DNAAF9: variants seen among roughly 807,000 people sequenced by gnomAD.
DNAAF9 encodes dynein axonemal assembly factor 9.
In DNAAF9, 90 loss-of-function variants were observed where a neutral mutation model predicts 167.0. That is an observed-to-expected ratio of 0.54 (90% CI 0.45 to 0.64). The LOEUF is 0.64. Among genes scored for constraint, DNAAF9 ranks in the 30% least tolerant of loss-of-function variants. The pLI, the probability that DNAAF9 is intolerant of heterozygous loss-of-function variation, is 0.00. For synonymous variants in DNAAF9, 491 were observed against 508.8 expected (o/e 0.96, Z 0.47); for missense variants, 1,315 against 1,442.2 (o/e 0.91, Z 1.43).
At chr20:3,286,363 C>T (rs1386763325) in intron 27 of DNAAF9, among the ~76,000 whole-genome samples, 1 of 152,108 alleles carries the variant, frequency 6.6e-6, no homozygotes, top group Admixed American at 6.5e-5. Flanking sequence ...AAGTCAGAGA[C>T]AAAAAATCAG....
chr20:3,265,392 C>G (rs1452175720), intron 30 of DNAAF9, among the ~76,000 whole-genome samples: 1 of 151,676 alleles, frequency 6.6e-6, no homozygotes, highest in African/African-American at 2.4e-5. Flanking sequence ...TGGCGAAACC[C>G]CATCTCTACT....
intron 1 of DNAAF9, among the ~76,000 whole-genome samples, chr20:3,394,945 TTTTC>T (rs1320240893): frequency 1.6e-4 from 18 of 113,820 alleles, no homozygotes; most frequent in South Asian, 5.9e-4. Context: ...ACATTTTCTT[TTTTC>T]TTTTTTTTTT....
At chr20:3,254,157 C>T (rs538339004) in intron 35 of DNAAF9, among the ~76,000 whole-genome samples, 5 of 152,334 alleles carry the variant, frequency 3.3e-5, no homozygotes, top group South Asian at 2.1e-4. Context: ...TGGCTCACTG[C>T]AACCTCCATC....
rs749647885 is a variant in DNAAF9, at chr20:3,315,114, C to T, written c.1597G>A (p.Glu533Lys). 1.3e-6 allele frequency: 2 copies of T among 1,597,914 alleles called. No individual in the cohort carries two copies. The highest frequency in any genetic ancestry group is 3.3e-5 in the Admixed American group (2 of 59,874). ...GTTAGATAAGTGCCCAGGAAAGACT[C>T]ATCCCCCTTTAAAAACAACAACAAA... ...EKTQQAVRGD[E>K]SFLGTYLTGG... The change falls in exon 20 of 37, where the codon GAG becomes AAG. Residue 533 changes from glutamate to lysine, a missense_variant. Coordinates refer to ENST00000252032, the MANE Select transcript of DNAAF9 (RefSeq NM_001009984.3). This position sits in a 1 kb window ranked among gnomAD's most constrained non-coding sequence, Gnocchi z 4.1.
intron 1 of DNAAF9, among the ~76,000 whole-genome samples, chr20:3,386,875 A>C (rs2083747774): frequency 6.6e-6 from 1 of 152,208 alleles, no homozygotes; most frequent in Non-Finnish European, 1.5e-5. Context: ...CGACATCATT[A>C]TCCATTATGG....
chr20:3,308,815 A>T (rs1362679622), intron 20 of DNAAF9, among the ~76,000 whole-genome samples: 4 of 141,816 alleles, frequency 2.8e-5, no homozygotes. Context: ...CATCTCTACT[A>T]AAAAAAAAAA....
At chr20:3,307,472 G>A (rs746653326) in intron 20 of DNAAF9, among the ~76,000 whole-genome samples, 20 of 151,916 alleles carry the variant, frequency 1.3e-4, no homozygotes, top group Non-Finnish European at 2.8e-4. Flanking sequence ...AACCCTTCTG[G>A]TATCTGCTCT....
In DNAAF9 at chr20:3,325,337, C is replaced by T. The variant is rs114848172; in HGVS notation, c.1189-369G>A. On this transcript the variant is annotated intron_variant, in intron 13 of 36. Transcript: ENST00000252032. Reference sequence around the variant, plus strand: ...GCTCTTGGGAAGGAACCTCTGCCCTCAGAGTTTTAGCCAGATGCTAAGAAT... The same window carrying T: ...GCTCTTGGGAAGGAACCTCTGCCCTTAGAGTTTTAGCCAGATGCTAAGAAT... Among the ~76,000 whole-genome samples, 411 of 152,300 alleles carry T rather than the reference C, an allele frequency of 2.7e-3. 1 individual carries two copies. The highest frequency in any genetic ancestry group is 9.3e-3 in the African/African-American group (386 of 41,556).
chr20:3,281,578 C>T, intron 28 of DNAAF9, 63 bp downstream of exon 28: 2 of 1,476,900 alleles, frequency 1.4e-6, no homozygotes, highest in South Asian at 2.7e-5. Context: ...AAAGATCTGT[C>T]TTCTTCTGGT....
intron 1 of DNAAF9, among the ~76,000 whole-genome samples, chr20:3,391,081 C>T (rs994167595): frequency 7.2e-5 from 11 of 152,220 alleles, no homozygotes; most frequent in Admixed American, 2.0e-4. Context: ...TTCCTTTCCA[C>T]AACTATGTTA....
rs1181735740 is a variant in DNAAF9, at chr20:3,287,790, T to C, written c.2328A>G (p.Arg776=). The C allele has an allele frequency of 6.2e-7, 1 of 1,614,148 alleles. No homozygotes were observed. Among genetic ancestry groups the C allele is most frequent in the Middle Eastern group, 1.7e-4 (1 of 6,060 alleles). ...FLVTLHKECG[R]WMVYRQIMDS... is the part of the protein sequence containing the mutation. The stretch of plus-strand genomic sequence containing the variant: ...CCATGATTTGGCGATACACCATCCA[T>C]CTGGAAAGGTAAAAGGTAACCTCTG... Residue 776 remains arginine (R), a splice_region_variant and synonymous_variant, in exon 27 of 37, where the codon AGA becomes AGG. Coordinates refer to ENST00000252032, the MANE Select transcript of DNAAF9 (RefSeq NM_001009984.3).
chr20:3,252,711 C>CT, intron 36 of DNAAF9, 27 bp from the exon 37 acceptor site: 1 of 1,390,416 alleles, frequency 7.2e-7, no homozygotes. Context: ...GAAGAGAGCT[C>CT]TGAGCCTGGA....
At chr20:3,376,036 G>T in intron 4 of DNAAF9, 142 bp downstream of exon 4, 2 of 762,410 alleles carry the variant, frequency 2.6e-6, no homozygotes, top group Non-Finnish European at 4.1e-6. Context: ...AACGAAATAT[G>T]AAATTCTCCA....
intron 8 of DNAAF9, among the ~76,000 whole-genome samples, chr20:3,346,963 C>T (rs533910961): frequency 3.3e-5 from 5 of 152,148 alleles, no homozygotes; most frequent in East Asian, 1.9e-4. Flanking sequence ...GAGTTAACAG[C>T]GAAACACTTT....
chr20:3,382,369 T>C, intron 2 of DNAAF9, 58 bp downstream of exon 2: 3 of 1,299,356 alleles, frequency 2.3e-6, no homozygotes, highest in Non-Finnish European at 3.4e-6. Context: ...TACCTTCCTG[T>C]GAACAAAAAA....
At chr20:3,313,674 T>G (rs1454863599) in intron 20 of DNAAF9, among the ~76,000 whole-genome samples, 1 of 152,200 alleles carries the variant, frequency 6.6e-6, no homozygotes, top group Non-Finnish European at 1.5e-5. Context: ...GCAGAAACAC[T>G]GCCAGTTTGG....
chr20:3,318,135 C>CTTTTTTTTTTTTTTTTTTTTT, intron 17 of DNAAF9, among the ~76,000 whole-genome samples, 154 bp downstream of exon 17: 1 of 139,590 alleles, frequency 7.2e-6, no homozygotes. Flanking sequence ...CGGGGTCTCA[C>CTTTTTTTTTTTTTTTTTTTTT]TGTGTCACTG....
At position 3,407,660 on chromosome 20, in the gene DNAAF9, C is replaced by G; in HGVS notation, c.-103G>C. 4.8e-6 allele frequency: 5 copies of G among 1,032,426 alleles called. No individual in the cohort carries two copies. Among genetic ancestry groups the G allele is most frequent in the Non-Finnish European group, 5.9e-6 (5 of 852,660 alleles). 64.0% of individuals were successfully genotyped at this position (1,032,426 alleles called of 1,614,324 possible). A position where few individuals can be genotyped will look rare whatever the true frequency, so the allele number is the denominator to read the frequency against. On this transcript the variant is annotated 5_prime_UTR_variant, in exon 1 of 37. Transcript: ENST00000252032. Reference sequence around the variant, plus strand: ...GCTGCGGCCGGGCGGGGCGGCAGGGCGTGCCGGGTGGGAGGGGGCGCGGCG... The same window carrying G: ...GCTGCGGCCGGGCGGGGCGGCAGGGGGTGCCGGGTGGGAGGGGGCGCGGCG...
At chr20:3,287,930 C>A in intron 26 of DNAAF9, 140 bp from the exon 27 acceptor site, 2 of 766,544 alleles carry the variant, frequency 2.6e-6, no homozygotes, top group East Asian at 5.1e-5. Context: ...CCATCTTGGC[C>A]TCACAGAAAA....
Sources: gnomAD v4.1 joint callset for allele counts (sites outside exome capture counted in the v4.1 genomes callset) on GRCh38, gnomAD v4.1.1 for gene constraint, Gnocchi (gnomAD v3.1) non-coding constraint, MANE v1.5 for transcripts, NCBI Gene and HGNC (gene_info 2026-07-23, HGNC 2026-07-21) for gene names.